The following COL14A1 variants were observed in gnomAD, a reference collection of about 807,000 sequenced individuals.
COL14A1 encodes the protein collagen alpha-1(XIV) chain.
A neutral mutation model predicts 230.3 loss-of-function variants in COL14A1; 136 were observed. The observed-to-expected ratio is 0.59, with a 90% confidence interval of 0.51 to 0.68. The LOEUF (loss-of-function observed/expected upper bound fraction) is 0.68, where lower values mean the gene tolerates loss of function less well. Among genes scored for constraint, COL14A1 ranks in the 30% least tolerant of loss-of-function variants. The pLI, the probability that COL14A1 is intolerant of heterozygous loss-of-function variation, is 0.00. For synonymous variants in COL14A1, 792 were observed against 784.1 expected, an observed-to-expected ratio of 1.01 and a Z score of -0.17; for missense variants, 1,976 against 2,215.8, an observed-to-expected ratio of 0.89 and a Z score of 2.17.
chr8:120,207,840 CA>C (rs35971998), intron 10 of COL14A1, among the ~76,000 whole-genome samples: 18,109 of 116,746 alleles, frequency 0.16, 1,830 homozygotes, highest in East Asian at 0.49. Context: ...TCATTTGGAC[CA>C]AAAAAAAAAA....
chr8:120,138,245 C>A (rs1814775178), intron 1 of COL14A1, among the ~76,000 whole-genome samples: 1 of 151,938 alleles, frequency 6.6e-6, no homozygotes, highest in Non-Finnish European at 1.5e-5. Context: ...TTTCTTTAGT[C>A]CTATTAGTTT....
chr8:120,131,368 GT>G (rs35061319), intron 1 of COL14A1, among the ~76,000 whole-genome samples: 116,062 of 143,278 alleles, frequency 0.81, 47,112 homozygotes, highest in African/African-American at 0.93. Context: ...CTGCAAATCT[GT>G]TTTTTTTTTT....
chr8:120,365,444 C>T lies in COL14A1; in HGVS notation c.5078-1727C>T, dbSNP rs1372020054. 2.0e-5 allele frequency among the ~76,000 whole-genome samples: 3 copies of T among 152,188 alleles called. No individual in the cohort carries two copies. In the East Asian group the frequency reaches 5.8e-4, roughly 29 times the overall value. On this transcript the variant is annotated intron_variant, in intron 45 of 47. Transcript: ENST00000297848. ...GTTGGCAAAGTGACTCCAGTTCAAA[C>T]AGAAGAGGATGGATTCTCGGCTAAA...
chr8:120,173,307 CTT>C (rs1446558493), intron 5 of COL14A1, among the ~76,000 whole-genome samples: 1 of 152,086 alleles, frequency 6.6e-6, no homozygotes, highest in Non-Finnish European at 1.5e-5. Context: ...TCTCTTATGT[CTT>C]TTAAATATGT....
intron 40 of COL14A1, among the ~76,000 whole-genome samples, chr8:120,323,264 T>C (rs1563737645): frequency 6.6e-6 from 1 of 152,096 alleles, no homozygotes. Flanking sequence ...TTAATGGAGT[T>C]GTTTTTTTTT....
At chr8:120,151,451 C>A (rs1406535352) in intron 2 of COL14A1, among the ~76,000 whole-genome samples, 1 of 151,556 alleles carries the variant, frequency 6.6e-6, no homozygotes, top group East Asian at 1.9e-4. Flanking sequence ...CCAGTCTGGC[C>A]AATATGGTGA....
intron 45 of COL14A1, among the ~76,000 whole-genome samples, chr8:120,354,175 G>A (rs1822887442): frequency 8.9e-6 from 1 of 112,164 alleles, no homozygotes; most frequent in South Asian, 3.5e-4. Context: ...CTCACTCATA[G>A]GTGGGAATTG....
At chr8:120,249,456 CTGTT>C (rs1403349987) in intron 21 of COL14A1, among the ~76,000 whole-genome samples, 2 of 152,160 alleles carry the variant, frequency 1.3e-5, no homozygotes, top group Non-Finnish European at 2.9e-5. Context: ...ATGTTTTTGT[CTGTT>C]TGCTTTAGGC....
At chr8:120,348,576 A>G (rs558040178) in intron 45 of COL14A1, among the ~76,000 whole-genome samples, 1 of 152,150 alleles carries the variant, frequency 6.6e-6, no homozygotes, top group East Asian at 1.9e-4. Flanking sequence ...CAAATAGGGT[A>G]TAGTGTATAC....
At chr8:120,139,705 A>G (rs1331988577) in intron 1 of COL14A1, among the ~76,000 whole-genome samples, 1 of 152,236 alleles carries the variant, frequency 6.6e-6, no homozygotes, top group East Asian at 1.9e-4. Context: ...TTCTAAGTAA[A>G]TTAATTAAAA....
intron 20 of COL14A1, among the ~76,000 whole-genome samples, chr8:120,245,962 A>T (rs535677367): frequency 6.6e-6 from 1 of 152,308 alleles, no homozygotes; most frequent in East Asian, 1.9e-4. Context: ...CCAAATAAAC[A>T]GTCATAGTGC....
intron 12 of COL14A1, among the ~76,000 whole-genome samples, chr8:120,210,660 G>A (rs1411030680): frequency 1.3e-5 from 2 of 152,098 alleles, no homozygotes; most frequent in Non-Finnish European, 2.9e-5. Flanking sequence ...AGACATTTAA[G>A]GAATGAAGAG....
At chr8:120,213,355 C>T (rs1817664996) in intron 13 of COL14A1, among the ~76,000 whole-genome samples, 1 of 152,092 alleles carries the variant, frequency 6.6e-6, no homozygotes, top group African/African-American at 2.4e-5. Flanking sequence ...TGGGGTCTTG[C>T]TCACCACTCT....
chr8:120,197,706 A>T (rs1384388758), intron 6 of COL14A1, 105 bp from the exon 7 acceptor site: 56 of 1,257,178 alleles, frequency 4.5e-5, no homozygotes, highest in Non-Finnish European at 5.9e-5. Flanking sequence ...AAAATAAAAA[A>T]TTTTTGCAAA....
chr8:120,147,645 TC>T (rs1442901617), intron 1 of COL14A1, among the ~76,000 whole-genome samples, 160 bp from the exon 2 acceptor site: 1 of 152,206 alleles, frequency 6.6e-6, no homozygotes. Context: ...AAAAGTCTTT[TC>T]CTCATCAGTT....
At chr8:120,275,672 G>A (rs556405271) in intron 26 of COL14A1, among the ~76,000 whole-genome samples, 116 of 151,672 alleles carry the variant, frequency 7.6e-4, no homozygotes, top group Non-Finnish European at 1.4e-3. Context: ...TGGGAAAATG[G>A]CATGAATAAA....
chr8:120,191,397 A>C (rs1475065364), intron 5 of COL14A1, among the ~76,000 whole-genome samples: 4 of 152,306 alleles, frequency 2.6e-5, no homozygotes, highest in Non-Finnish European at 4.4e-5. Flanking sequence ...TGATTGCACT[A>C]TGGTCTGAGA....
chr8:120,357,586 A>G (rs1188572095), intron 45 of COL14A1, among the ~76,000 whole-genome samples: 2 of 152,126 alleles, frequency 1.3e-5, no homozygotes, highest in Admixed American at 1.3e-4. Flanking sequence ...CATTTTAAAG[A>G]TTTTGTCAGT....
intron 8 of COL14A1, among the ~76,000 whole-genome samples, chr8:120,200,718 TATATATATATA>T (rs1563668006): frequency 9.3e-4 from 5 of 5,378 alleles, no homozygotes; most frequent in African/African-American, 5.7e-3. Flanking sequence ...TTCCTATTTA[TATATATATATA>T]TATATATATA....
Sources: allele counts gnomAD v4.1 joint callset (sites outside exome capture counted in the v4.1 genomes callset), GRCh38; gene constraint gnomAD v4.1.1; transcripts MANE v1.5; gene names NCBI Gene and HGNC (gene_info 2026-07-23, HGNC 2026-07-21).